Variants in GABRG3 observed in about 807,000 individuals in gnomAD.
The protein encoded by GABRG3 is gamma-aminobutyric acid receptor subunit gamma-3.
A neutral mutation model predicts 48.8 loss-of-function variants in GABRG3; 25 were observed. The observed-to-expected ratio is 0.51, with a 90% confidence interval of 0.37 to 0.72. The LOEUF (loss-of-function observed/expected upper bound fraction) is 0.72, where lower values mean the gene tolerates loss of function less well. Among genes scored for constraint, GABRG3 ranks in the 30% least tolerant of loss-of-function variants. GABRG3 has a pLI of 0.00. For synonymous variants in GABRG3, 227 were observed against 217.6 expected (o/e 1.04, Z -0.38); for missense variants, 394 against 577.9 (o/e 0.68, Z 3.26).
intron 3 of GABRG3, among the ~76,000 whole-genome samples, chr15:27,100,280 A>G (rs946994123): frequency 3.3e-5 from 5 of 152,116 alleles, no homozygotes; most frequent in Non-Finnish European, 5.9e-5. Flanking sequence ...CTATCTACCA[A>G]TAAAAGAAGT....
At chr15:27,351,016 T>C (rs983484125) in intron 5 of GABRG3, among the ~76,000 whole-genome samples, 2 of 151,200 alleles carry the variant, frequency 1.3e-5, no homozygotes, top group Middle Eastern at 3.4e-3. Flanking sequence ...GTGTATGGTG[T>C]GTATGATGTG....
At chr15:27,158,244 A>G (rs1366085618) in intron 3 of GABRG3, 1 of 152,190 alleles carries the variant, frequency 6.6e-6, no homozygotes, top group Non-Finnish European at 1.5e-5. Flanking sequence ...GGACAGAGAA[A>G]TAGGAGGAAG....
chr15:27,293,518 C>CA (rs5811487), intron 3 of GABRG3, among the ~76,000 whole-genome samples: 72,304 of 151,348 alleles, frequency 0.48, 20,814 homozygotes, highest in Non-Finnish European at 0.66. Context: ...ACTAAAAATA[C>CA]AAAAAAAATT....
intron 3 of GABRG3, among the ~76,000 whole-genome samples, chr15:27,169,773 A>G (rs1260692426): frequency 7.9e-5 from 12 of 152,138 alleles, no homozygotes; most frequent in Admixed American, 7.9e-4. Context: ...TCATACTCAA[A>G]TTACTGAAAG....
rs572931209 is a variant in GABRG3, at chr15:27,337,677, T to A, written c.574+8789T>A. ...GTTCTTCATTCCTCTTTTCCCATTT[T>A]TTCTCCCTGTTTATTTCCAGCGTCT... On this transcript the variant is annotated intron_variant, in intron 5 of 9. Transcript: ENST00000615808. Among the ~76,000 whole-genome samples, 14 of 152,318 alleles carry A rather than the reference T, an allele frequency of 9.2e-5. No homozygotes were observed. In the South Asian group the frequency reaches 2.5e-3, roughly 27 times the overall value.
intron 6 of GABRG3, among the ~76,000 whole-genome samples, chr15:27,497,847 G>C (rs1240161133): frequency 6.6e-6 from 1 of 152,070 alleles, no homozygotes; most frequent in Non-Finnish European, 1.5e-5. Context: ...CATTCACCAT[G>C]ATTTCTTCCA....
intron 6 of GABRG3, among the ~76,000 whole-genome samples, chr15:27,512,734 G>A (rs148497667): frequency 1.3e-3 from 199 of 152,336 alleles, no homozygotes; most frequent in African/African-American, 4.6e-3. Context: ...ACAGGGCTCA[G>A]ATACACTGCT....
rs561941771 is a variant in GABRG3, at chr15:27,039,732, A to G, written c.270+12911A>G. Reference sequence around the variant, plus strand: ...TGTCAGCATTCCCTAGTCTTTTATGAGGCAGAACTGTATTCCTGAGGCCTG... The same window carrying G: ...TGTCAGCATTCCCTAGTCTTTTATGGGGCAGAACTGTATTCCTGAGGCCTG... On this transcript the variant is annotated intron_variant, in intron 3 of 9. Coordinates refer to ENST00000615808, the MANE Select transcript of GABRG3 (RefSeq NM_033223.5). 6.6e-5 allele frequency among the ~76,000 whole-genome samples: 10 copies of G among 152,304 alleles called. No homozygotes were observed. The East Asian group carries it at 1.2e-3, about 18-fold the overall frequency.
rs141473330 is a variant in GABRG3 at position 26,981,449 on chromosome 15, C to T, written c.202+4299C>T. The stretch of plus-strand genomic sequence containing the variant: ...ATGGTCTATCTTGGCAAATGCTCCA[C>T]GGTCTTGAAAAGAGTATGTATCCTG... On this transcript the variant is annotated intron_variant, in intron 2 of 9. Transcript: ENST00000615808. Among the ~76,000 whole-genome samples the T allele has an allele frequency of 3.7e-3, 563 of 152,298 alleles. 1 individual carries two copies. Among genetic ancestry groups the T allele is most frequent in the Non-Finnish European group, 5.6e-3 (384 of 68,032 alleles).
At chr15:27,307,081 T>C (rs1334611434) in intron 3 of GABRG3, among the ~76,000 whole-genome samples, 1 of 129,774 alleles carries the variant, frequency 7.7e-6, no homozygotes, top group East Asian at 2.2e-4. Flanking sequence ...TAAACATGTT[T>C]ATATATAAAC....
intron 5 of GABRG3, among the ~76,000 whole-genome samples, chr15:27,361,628 G>A (rs1365953813): frequency 6.6e-6 from 1 of 152,308 alleles, no homozygotes; most frequent in African/African-American, 2.4e-5. Flanking sequence ...CCAGGGAGAG[G>A]TTTCCCAGGA....
chr15:27,513,166 G>A (rs1034618636), intron 6 of GABRG3, among the ~76,000 whole-genome samples: 1 of 151,908 alleles, frequency 6.6e-6, no homozygotes, highest in Non-Finnish European at 1.5e-5. Context: ...TGAAAGCCAC[G>A]GACAGGCGCA....
chr15:27,436,291 TTG>T (rs1888607810), intron 5 of GABRG3, among the ~76,000 whole-genome samples: 1 of 152,098 alleles, frequency 6.6e-6, no homozygotes, highest in African/African-American at 2.4e-5. Flanking sequence ...CTAATCCCAC[TTG>T]TGGGGGGAAG....
chr15:27,089,433 C>T (rs977082359), intron 3 of GABRG3, among the ~76,000 whole-genome samples: 18 of 152,070 alleles, frequency 1.2e-4, no homozygotes, highest in African/African-American at 4.3e-4. Context: ...AGTCTAGTCT[C>T]TAGGGCAGGC....
intron 5 of GABRG3, among the ~76,000 whole-genome samples, chr15:27,345,214 A>G (rs1353957859): frequency 1.3e-5 from 2 of 152,208 alleles, no homozygotes; most frequent in African/African-American, 4.8e-5. Context: ...TTATGAATAT[A>G]GCTGGATTAA....
chr15:27,302,626 A>G (rs1892251080), intron 3 of GABRG3, among the ~76,000 whole-genome samples: 2 of 152,072 alleles, frequency 1.3e-5, no homozygotes. Flanking sequence ...AGTCAGTGCC[A>G]TGAACCAACC....
Position 26,976,885 on chromosome 15 carries a change from G to A in GABRG3, c.54-117G>A. The A allele has an allele frequency of 2.1e-6, 2 of 932,906 alleles. No homozygotes were observed. Among genetic ancestry groups the A allele is most frequent in the Non-Finnish European group, 3.3e-6 (2 of 602,620 alleles). The allele number at this position is 932,906 out of a possible 1,614,324, so 57.8% of individuals were successfully genotyped here. A position where few individuals can be genotyped will look rare whatever the true frequency, so the allele number is the denominator to read the frequency against. On this transcript the variant is annotated intron_variant, in intron 1 of 9. Transcript: ENST00000615808. The surrounding 1 kb of genome is among the most constrained non-coding windows in gnomAD (Gnocchi z 7.8). ...TTTCGGGTTTTCACGTGTGTGGTTG[G>A]GCTGTGGGTACTGGGGACTTTCTAC...
chr15:27,340,081 C>T (rs1310603309), intron 5 of GABRG3, among the ~76,000 whole-genome samples: 2 of 152,096 alleles, frequency 1.3e-5, no homozygotes, highest in African/African-American at 4.8e-5. Flanking sequence ...CTCTCTAAAC[C>T]CCTCTAAACC....
At chr15:27,423,544 T>C (rs530687991) in intron 5 of GABRG3, among the ~76,000 whole-genome samples, 1 of 150,828 alleles carries the variant, frequency 6.6e-6, no homozygotes, top group Admixed American at 6.6e-5. Flanking sequence ...TTTTTTGGTT[T>C]TTTTTTTTTT....
Sources: allele counts gnomAD v4.1 joint callset (sites outside exome capture counted in the v4.1 genomes callset), GRCh38; gene constraint gnomAD v4.1.1; non-coding constraint Gnocchi (gnomAD v3.1); transcripts MANE v1.5; gene names NCBI Gene and HGNC (gene_info 2026-07-23, HGNC 2026-07-21).